The following TANGO6 variants were observed in gnomAD, a reference collection of about 807,000 sequenced individuals.
The protein encoded by TANGO6 is transport and golgi organization 6 homolog, also known as transport and Golgi organization protein 6 homolog.
A neutral mutation model predicts 114.2 loss-of-function variants in TANGO6; 90 were observed. The observed-to-expected ratio is 0.79, with a 90% CI of 0.66 to 0.94. The LOEUF is 0.94. Ranked by LOEUF, TANGO6 falls within the 40% of genes least tolerant of loss-of-function variation. The pLI is 0.00. For missense variants in TANGO6, 1,274 were observed against 1,315.3 expected (o/e 0.97, Z 0.49); for synonymous variants, 477 against 509.8 (o/e 0.94, Z 0.87).
rs762614754 is a variant in TANGO6 at position 69,029,888 on chromosome 16, AC to A, written c.2994+6911del. ...TTTGGGAGGCCAAGGTGGGTGGATC[AC>A]CTAAGGTCAGGAGTTCGAGACCAGC... On this transcript the variant is annotated intron_variant, in intron 16 of 17. Coordinates refer to ENST00000261778, the MANE Select transcript of TANGO6 (RefSeq NM_024562.2). Among the ~76,000 whole-genome samples the A allele has an allele frequency of 2.7e-3, 415 of 151,908 alleles. 5 individuals are homozygous for A. The East Asian group carries it at 0.031, about 11-fold the overall frequency.
At chr16:69,079,959 G>T (rs1960441953) in intron 17 of TANGO6, among the ~76,000 whole-genome samples, 1 of 152,210 alleles carries the variant, frequency 6.6e-6, no homozygotes, top group Non-Finnish European at 1.5e-5. Flanking sequence ...AGTGGCTTAT[G>T]CCTCTAATCT....
At position 68,909,201 on chromosome 16, in the gene TANGO6, A is replaced by G. The variant is rs1020511554; in HGVS notation, c.1801-10A>G. ...TTATCTTCACTTTTTCTTTCCTGCC[A>G]TGCTTGTAGGAGTTGACTCATGTGG... On this transcript the variant is annotated splice_polypyrimidine_tract_variant and intron_variant, in intron 10 of 17. Transcript: ENST00000261778. The G allele has an allele frequency of 2.7e-6, 4 of 1,500,176 alleles. No homozygotes were observed. In the South Asian group the frequency reaches 4.0e-5, roughly 15 times the overall value. 92.9% of individuals were successfully genotyped at this position (1,500,176 alleles called of 1,614,324 possible).
intron 11 of TANGO6, among the ~76,000 whole-genome samples, chr16:68,914,993 A>G (rs1042646738): frequency 1.7e-4 from 25 of 150,636 alleles, no homozygotes; most frequent in Non-Finnish European, 3.0e-4. Context: ...ACACACACAC[A>G]CACACACATA....
chr16:69,030,878 C>T (rs1375291329), intron 16 of TANGO6, among the ~76,000 whole-genome samples: 5 of 150,696 alleles, frequency 3.3e-5, no homozygotes, highest in South Asian at 4.2e-4. Flanking sequence ...GGTGAAACCC[C>T]GTCTCTACTA....
chr16:68,893,084 T>A (rs940641071), intron 7 of TANGO6, among the ~76,000 whole-genome samples: 12 of 152,210 alleles, frequency 7.9e-5, no homozygotes, highest in African/African-American at 2.9e-4. Context: ...ACTTGTTACA[T>A]CTGGTCACAT....
At chr16:68,855,407 C>T (rs187362921) in intron 1 of TANGO6, among the ~76,000 whole-genome samples, 8 of 151,444 alleles carry the variant, frequency 5.3e-5, no homozygotes, top group Admixed American at 1.3e-4. Flanking sequence ...CATGGTGAAA[C>T]CCCATCTCTA....
intron 7 of TANGO6, among the ~76,000 whole-genome samples, chr16:68,883,770 C>T (rs147313092): frequency 1.8e-4 from 27 of 152,262 alleles, no homozygotes; most frequent in African/African-American, 6.0e-4. Context: ...TTTACATTCC[C>T]ATCGGCAGTA....
chr16:69,007,333 G>A (rs1427908731), intron 15 of TANGO6, among the ~76,000 whole-genome samples: 1 of 142,400 alleles, frequency 7.0e-6, no homozygotes, highest in Non-Finnish European at 1.5e-5. Flanking sequence ...GCAGTGGCAC[G>A]ATCTCGGCTC....
chr16:69,039,225 C>G (rs1959736813), intron 16 of TANGO6, among the ~76,000 whole-genome samples: 2 of 150,968 alleles, frequency 1.3e-5, no homozygotes, highest in Non-Finnish European at 2.9e-5. Flanking sequence ...CCTGTAGTCC[C>G]AGCTACTCAG....
At chr16:68,943,645 G>A (rs1227596435) in intron 14 of TANGO6, among the ~76,000 whole-genome samples, 13 of 152,140 alleles carry the variant, frequency 8.5e-5, no homozygotes, top group Admixed American at 1.3e-4. Context: ...GATTACAGGC[G>A]TGAGCCACCG....
At position 69,065,761 on chromosome 16, in the gene TANGO6, G is replaced by A. The variant is rs184753348; in HGVS notation, c.3109-17724G>A. ...GTAATCCTGCCTTTCTTTACTGACC[G>A]TCCTGACGCTTTCAGTGAAGTGTCT... On this transcript the variant is annotated intron_variant, in intron 17 of 17. Coordinates refer to ENST00000261778, the MANE Select transcript of TANGO6 (RefSeq NM_024562.2). Among the ~76,000 whole-genome samples, 10 of 152,184 alleles carry A rather than the reference G, an allele frequency of 6.6e-5. No homozygotes were observed. In the South Asian group the frequency reaches 1.5e-3, roughly 22 times the overall value.
chr16:68,871,982 A>C (rs1962278067), intron 4 of TANGO6, among the ~76,000 whole-genome samples: 1 of 152,096 alleles, frequency 6.6e-6, no homozygotes, highest in African/African-American at 2.4e-5. Flanking sequence ...CTGAAATTCC[A>C]GCACTTTAGG....
At chr16:69,010,803 A>G (rs1964136228) in intron 15 of TANGO6, among the ~76,000 whole-genome samples, 1 of 152,218 alleles carries the variant, frequency 6.6e-6, no homozygotes, top group South Asian at 2.1e-4. Flanking sequence ...CCTTGCATAT[A>G]GTATGTATAC....
intron 1 of TANGO6, chr16:68,846,418 C>G: frequency 3.9e-6 from 1 of 255,550 alleles, no homozygotes; most frequent in South Asian, 3.2e-5. Context: ...AAAACCTAGA[C>G]TCACATAGAT....
intron 11 of TANGO6, among the ~76,000 whole-genome samples, chr16:68,913,722 T>C (rs1962960743): frequency 6.6e-6 from 1 of 151,766 alleles, no homozygotes; most frequent in South Asian, 2.1e-4. Flanking sequence ...ATTTTTTTTT[T>C]GAAAAGAAAA....
intron 1 of TANGO6, among the ~76,000 whole-genome samples, chr16:68,845,861 T>G (rs976931363): frequency 2.7e-5 from 4 of 147,546 alleles, no homozygotes; most frequent in African/African-American, 5.0e-5. Context: ...TTGTTTTTTG[T>G]TTTTTTTTTG....
chr16:69,002,632 G>A (rs1964054378), intron 15 of TANGO6, among the ~76,000 whole-genome samples: 1 of 152,144 alleles, frequency 6.6e-6, no homozygotes, highest in Non-Finnish European at 1.5e-5. Context: ...AGAGCCATGA[G>A]TCAATTAAAC....
At chr16:68,976,369 A>AT (rs1963765735) in intron 15 of TANGO6, among the ~76,000 whole-genome samples, 2 of 152,238 alleles carry the variant, frequency 1.3e-5, no homozygotes, top group South Asian at 2.1e-4. Context: ...AGATTTAAAC[A>AT]TTTTTTAAAG....
At chr16:68,877,531 A>T (rs918766375) in intron 5 of TANGO6, among the ~76,000 whole-genome samples, 1 of 151,776 alleles carries the variant, frequency 6.6e-6, no homozygotes, top group African/African-American at 2.4e-5. Context: ...CCCTATGCGT[A>T]TGCCTAAAAT....
Sources: allele counts gnomAD v4.1 joint callset (sites outside exome capture counted in the v4.1 genomes callset), GRCh38; gene constraint gnomAD v4.1.1; transcripts MANE v1.5; gene names NCBI Gene and HGNC (gene_info 2026-07-23, HGNC 2026-07-21).